Variants in OMP observed in about 807,000 individuals in gnomAD.
The protein encoded by OMP is olfactory neuronal-specific protein.
Under a neutral mutation model 12.0 loss-of-function variants are expected in OMP, and 6 were observed. The observed-to-expected ratio is 0.50, with a 90% CI of 0.27 to 0.99. OMP has a LOEUF of 0.99. OMP is among the 50% of genes least tolerant of loss of function. The probability of loss-of-function intolerance (pLI) is 0.11; values close to 1 mark genes in which losing one functional copy is unlikely to be tolerated. For synonymous variants in OMP, 81 were observed against 101.0 expected (o/e 0.80, Z 1.19); for missense variants, 237 against 225.0 (o/e 1.05, Z -0.34).
In OMP at chr11:77,103,282, G is replaced by T. The variant is rs782549096; in HGVS notation, c.443G>T (p.Gly148Val). 6.2e-7 allele frequency: 1 copy of T among 1,612,794 alleles called. No homozygotes were observed. Among genetic ancestry groups the T allele is most frequent in the African/African-American group, 1.3e-5 (1 of 74,916 alleles). Residue 148 changes from glycine (G) to valine (V), a missense_variant, in exon 1 of 1, where the codon GGT becomes GTT. Coordinates refer to ENST00000529803, the MANE Select transcript of OMP (RefSeq NM_006189.1). Reference protein sequence around the residue: ...VMYFLVTFGEGVEPANLKASV... With the variant: ...VMYFLVTFGEVVEPANLKASV... ...TACTTCCTCGTCACCTTTGGCGAGG[G>T]TGTGGAGCCCGCCAACCTCAAGGCC... is the stretch of plus-strand genomic sequence containing the variant.
In OMP at chr11:77,102,917, G is replaced by T. The variant is rs782145291; in HGVS notation, c.78G>T (p.Arg26=). ...VLDQGLTRQM[R]LRVESLKQRG... ...ACCAGGGCCTGACCAGGCAGATGCG[G>T]CTACGCGTGGAGAGCCTGAAGCAGC... Residue 26 remains arginine, a synonymous_variant, in exon 1 of 1, where the codon CGG becomes CGT. Coordinates refer to ENST00000529803, the MANE Select transcript of OMP (RefSeq NM_006189.1). 9.9e-6 allele frequency: 16 copies of T among 1,612,762 alleles called. No individual in the cohort carries two copies. The highest frequency in any genetic ancestry group is 5.0e-5 in the Admixed American group (3 of 60,006).
Position 77,102,902 on chromosome 11 carries a change from G to A in OMP, c.63G>A (p.Leu21=), listed in dbSNP as rs2135456621. 6.2e-7 allele frequency: 1 copy of A among 1,612,600 alleles called. No individual in the cohort carries two copies. Among genetic ancestry groups the A allele is most frequent in the Non-Finnish European group, 8.5e-7 (1 of 1,179,870 alleles). ...LDMPLVLDQG[L]TRQMRLRVES... ...TGCCGCTGGTCCTGGACCAGGGCCT[G>A]ACCAGGCAGATGCGGCTACGCGTGG... is the stretch of plus-strand genomic sequence containing the variant. The change falls in exon 1 of 1, where the codon CTG becomes CTA. Residue 21 remains leucine (L), a synonymous_variant. Coordinates refer to ENST00000529803, the MANE Select transcript of OMP (RefSeq NM_006189.1).
In OMP at chr11:77,103,129, G is replaced by A. The variant is rs375214001; in HGVS notation, c.290G>A (p.Arg97His). 2.5e-5 allele frequency: 41 copies of A among 1,613,678 alleles called. No homozygotes were observed. The highest frequency in any genetic ancestry group is 1.6e-4 in the African/African-American group (12 of 74,920). ...CCTGACCTCACCAACCTCATGACAC[G>A]CCAGCTGCTGGACCCCACTGCCATC... ...WTPDLTNLMT[R>H]QLLDPTAIFW... Residue 97 changes from arginine (R) to histidine (H), a missense_variant, in exon 1 of 1, where the codon CGC (arginine) becomes CAC (histidine). Arg to His is a conservative substitution (Grantham distance 29, BLOSUM62 0). Coordinates refer to ENST00000529803, the MANE Select transcript of OMP (RefSeq NM_006189.1).
Position 77,103,325 on chromosome 11 carries a change from G to A in OMP, c.486G>A (p.Gln162=), listed in dbSNP as rs375380047. 10 of 1,605,898 alleles carry A rather than the reference G, an allele frequency of 6.2e-6. No homozygotes were observed. In the African/African-American group the frequency reaches 1.2e-4, roughly 19 times the overall value. ...TCAAGGCCTCCGTGGTTTTTAACCA[G>A]CTCTGACAGCAGCTGCCAGCTGCTG... is the stretch of plus-strand genomic sequence containing the variant. ...ANLKASVVFN[Q]L is the part of the protein sequence containing the mutation. The change falls in exon 1 of 1, where the codon CAG becomes CAA. Residue 162 remains glutamine, a synonymous_variant. Transcript: ENST00000529803.
At position 77,102,868 on chromosome 11, in the gene OMP, A is replaced by G. The variant is rs1555039112; in HGVS notation, c.29A>G (p.Gln10Arg). ...GCGGAGGACAGGCCGCAGCAGCCGCAGCTGGACATGCCGCTGGTCCTGGAC... is the reference window on the plus strand; with the variant it reads ...GCGGAGGACAGGCCGCAGCAGCCGCGGCTGGACATGCCGCTGGTCCTGGAC... MAEDRPQQP[Q>R]LDMPLVLDQG... The change falls in exon 1 of 1, where the codon CAG becomes CGG. Residue 10 changes from glutamine to arginine, a missense_variant. Coordinates refer to ENST00000529803, the MANE Select transcript of OMP (RefSeq NM_006189.1). The G allele has an allele frequency of 6.2e-7, 1 of 1,607,924 alleles. No homozygotes were observed. The highest frequency in any genetic ancestry group is 8.5e-7 in the Non-Finnish European group (1 of 1,178,122).
At position 77,103,185 on chromosome 11, in the gene OMP, G is replaced by T. The variant is rs1331616368; in HGVS notation, c.346G>T (p.Asp116Tyr). Residue 116 changes from aspartate to tyrosine, a missense_variant, in exon 1 of 1, where the codon GAT (aspartate) becomes TAT (tyrosine). By Grantham distance (160) the Asp-to-Tyr change is radical. Transcript: ENST00000529803. Reference sequence around the variant, plus strand: ...GCGCAAGGAGGACTCGGATGCCATAGATTGGAATGAGGCCGACGCCCTGGA... The same window carrying T: ...GCGCAAGGAGGACTCGGATGCCATATATTGGAATGAGGCCGACGCCCTGGA... ...FWRKEDSDAI[D>Y]WNEADALEFG... 2 of 1,613,700 alleles carry T rather than the reference G, an allele frequency of 1.2e-6. No individual in the cohort carries two copies. The highest frequency in any genetic ancestry group is 1.7e-6 in the Non-Finnish European group (2 of 1,179,900).
Position 77,102,922 on chromosome 11 carries a change from GC to G in OMP, c.84del (p.Val29TrpfsTer4). On this transcript the variant is annotated frameshift_variant, in exon 1 of 1. Coordinates refer to ENST00000529803, the MANE Select transcript of OMP (RefSeq NM_006189.1). LOFTEE classifies it high-confidence loss of function. The stretch of plus-strand genomic sequence containing the variant: ...GGCCTGACCAGGCAGATGCGGCTAC[GC>G]GTGGAGAGCCTGAAGCAGCGCGGGG... ...DQGLTRQMRL[R>X]VESLKQRGEK... The G allele has an allele frequency of 6.2e-7, 1 of 1,612,874 alleles. No homozygotes were observed. Among genetic ancestry groups the G allele is most frequent in the Non-Finnish European group, 8.5e-7 (1 of 1,179,892 alleles).
Sources: gnomAD v4.1 joint callset for allele counts on GRCh38, gnomAD v4.1.1 for gene constraint, MANE v1.5 for transcripts, NCBI Gene and HGNC (gene_info 2026-07-23, HGNC 2026-07-21) for gene names.